CSMD1: variants seen among roughly 807,000 people sequenced by gnomAD.
The protein encoded by CSMD1 is CUB and Sushi multiple domains 1, also known as CUB and sushi domain-containing protein 1.
Under a neutral mutation model 417.5 loss-of-function variants are expected in CSMD1, and 213 were observed. The ratio of observed to expected loss-of-function variants is 0.51; its 90% CI spans 0.46 to 0.57. The LOEUF (loss-of-function observed/expected upper bound fraction) is 0.57. Among genes scored for constraint, CSMD1 ranks in the 20% least tolerant of loss-of-function variants. CSMD1 has a pLI of 0.00. For missense variants in CSMD1, 6,923 were observed against 4,529.7 expected (o/e 1.53, Z -15.17); for synonymous variants, 2,862 against 1,736.8 (o/e 1.65, Z -16.11).
intron 4 of CSMD1, among the ~76,000 whole-genome samples, chr8:4,029,802 G>A (rs1772996271): frequency 6.6e-6 from 1 of 152,088 alleles, no homozygotes; most frequent in Non-Finnish European, 1.5e-5. Flanking sequence ...TTCCTCTTAT[G>A]AACCTGTATA....
In CSMD1 at chr8:4,356,129, C is replaced by A. The variant is rs193020603; in HGVS notation, c.415+63824G>T. On this transcript the variant is annotated intron_variant, in intron 3 of 69. Transcript: ENST00000635120. Reference sequence around the variant, plus strand: ...ACCTCCTAGTCTTCCCCTCAAGTTCCCAAAGTCCATTGTATCTTTCTTATG... The same window carrying A: ...ACCTCCTAGTCTTCCCCTCAAGTTCACAAAGTCCATTGTATCTTTCTTATG... Among the ~76,000 whole-genome samples the A allele has an allele frequency of 1.7e-4, 26 of 152,244 alleles. No homozygotes were observed. The East Asian group carries it at 5.0e-3, about 29-fold the overall frequency.
At chr8:3,750,677 T>C (rs1247622370) in intron 6 of CSMD1, among the ~76,000 whole-genome samples, 2 of 152,142 alleles carry the variant, frequency 1.3e-5, no homozygotes, top group East Asian at 3.9e-4. Flanking sequence ...ACAGAAGGTT[T>C]CACATTTGCC....
chr8:4,355,714 C>G (rs1005169680), intron 3 of CSMD1, among the ~76,000 whole-genome samples: 3 of 152,280 alleles, frequency 2.0e-5, no homozygotes, highest in East Asian at 3.9e-4. Flanking sequence ...AGTTAAGGGT[C>G]CAGCAATGCA....
At chr8:4,628,498 C>A (rs1802267327) in intron 2 of CSMD1, among the ~76,000 whole-genome samples, 1 of 150,424 alleles carries the variant, frequency 6.6e-6, no homozygotes. Flanking sequence ...TCAGTATATA[C>A]ACACACATAA....
Position 4,031,976 on chromosome 8 carries a change from T to TGGCCTTCCAAGATGTAGC in CSMD1, c.521_538dup (p.Gly179_His180insArgTyrIleLeuGluGly), listed in dbSNP as rs1563340570. 6.2e-7 allele frequency: 1 copy of TGGCCTTCCAAGATGTAGC among 1,613,952 alleles called. No individual in the cohort carries two copies. The stretch of plus-strand genomic sequence containing the variant: ...GCTGACGATGCAGGTCAGGATGGCG[T>TGGCCTTCCAAGATGTAGC]GGCCTTCCAAGATGTAGCCAGGGAG... On this transcript the variant is annotated inframe_insertion, in exon 4 of 70. Transcript: ENST00000635120.
At chr8:4,381,716 T>G (rs916388021) in intron 3 of CSMD1, among the ~76,000 whole-genome samples, 26 of 152,216 alleles carry the variant, frequency 1.7e-4, no homozygotes, top group Admixed American at 1.7e-3. Context: ...AAGTTCACGC[T>G]GCCGTGGATG....
At chr8:4,804,390 C>A (rs11136781) in intron 1 of CSMD1, among the ~76,000 whole-genome samples, 132,368 of 152,090 alleles carry the variant, frequency 0.87, 57,730 homozygotes, top group East Asian at 0.97. Context: ...TATTTTAAGA[C>A]GCCAAATTAC....
At chr8:3,020,190 T>G (rs1051181688) in intron 51 of CSMD1, among the ~76,000 whole-genome samples, 5 of 152,210 alleles carry the variant, frequency 3.3e-5, no homozygotes, top group African/African-American at 7.2e-5. Context: ...TGCATAGGCT[T>G]GTGCATTAGA....
chr8:4,785,044 G>C (rs1018745830), intron 1 of CSMD1, among the ~76,000 whole-genome samples: 3 of 152,198 alleles, frequency 2.0e-5, no homozygotes, highest in African/African-American at 7.2e-5. Flanking sequence ...TGAATTATTA[G>C]AAGTGGATAT....
intron 8 of CSMD1, chr8:3,613,328 A>T (rs2117148673): frequency 2.4e-6 from 1 of 415,380 alleles, no homozygotes; most frequent in South Asian, 1.8e-5. Context: ...AATTATTCCA[A>T]ACATTTAGCA....
chr8:3,036,571 A>C (rs766237828), intron 50 of CSMD1, among the ~76,000 whole-genome samples: 2 of 152,218 alleles, frequency 1.3e-5, no homozygotes, highest in African/African-American at 2.4e-5. Context: ...CAAAGTGTGC[A>C]GTCTAGCACT....
Position 3,655,494 on chromosome 8 carries a change from G to C in CSMD1, c.1010-38697C>G, listed in dbSNP as rs1462656069. 2.0e-5 allele frequency among the ~76,000 whole-genome samples: 3 copies of C among 152,052 alleles called. No individual in the cohort carries two copies. In the East Asian group the frequency reaches 5.8e-4, roughly 29 times the overall value. On this transcript the variant is annotated intron_variant, in intron 7 of 69. Coordinates refer to ENST00000635120, the MANE Select transcript of CSMD1 (RefSeq NM_033225.6). ...AACAATAGTATCAGAAATAGGTTTG[G>C]CATAAACACAGCCAGCTCAGGACCA...
At chr8:3,765,932 T>A (rs1344003460) in intron 5 of CSMD1, among the ~76,000 whole-genome samples, 1 of 152,140 alleles carries the variant, frequency 6.6e-6, no homozygotes, top group African/African-American at 2.4e-5. Context: ...GAGAAGGCTG[T>A]AAAAATGGCC....
intron 3 of CSMD1, among the ~76,000 whole-genome samples, chr8:4,088,971 C>T (rs1800574811): frequency 6.6e-6 from 1 of 151,984 alleles, no homozygotes; most frequent in South Asian, 2.1e-4. Context: ...TCACACACCC[C>T]TGTTCTGTGC....
chr8:3,147,348 T>C (rs1818906515), intron 40 of CSMD1, among the ~76,000 whole-genome samples: 1 of 152,232 alleles, frequency 6.6e-6, no homozygotes, highest in Admixed American at 6.5e-5. Context: ...AAGCAACTTT[T>C]CTTAAATAAG....
chr8:4,982,925 T>C (rs892010924), intron 1 of CSMD1, among the ~76,000 whole-genome samples: 15 of 152,322 alleles, frequency 9.8e-5, no homozygotes, highest in African/African-American at 3.6e-4. Context: ...AGCTCTTCTT[T>C]GTTCCATAAT....
chr8:4,126,128 C>T (rs1334933472), intron 3 of CSMD1, among the ~76,000 whole-genome samples: 1 of 152,052 alleles, frequency 6.6e-6, no homozygotes, highest in Admixed American at 6.6e-5. Context: ...GTGATTTCAT[C>T]TTCAACCTGA....
At chr8:4,035,115 A>T (rs1404306324) in intron 3 of CSMD1, among the ~76,000 whole-genome samples, 1 of 152,238 alleles carries the variant, frequency 6.6e-6, no homozygotes, top group African/African-American at 2.4e-5. Flanking sequence ...GCTGCCTAAC[A>T]ACAGCTCAAT....
At chr8:3,128,685 C>A in intron 41 of CSMD1, 1 of 351,540 alleles carries the variant, frequency 2.8e-6, no homozygotes, top group South Asian at 2.3e-5. Flanking sequence ...ATATGATACC[C>A]TACAAGAAAA....
Sources: gnomAD v4.1 joint callset for allele counts (sites outside exome capture counted in the v4.1 genomes callset) on GRCh38, gnomAD v4.1.1 for gene constraint, MANE v1.5 for transcripts, NCBI Gene and HGNC (gene_info 2026-07-23, HGNC 2026-07-21) for gene names.